Variants in PHTF2 observed in about 807,000 individuals in gnomAD.
PHTF2 encodes the protein putative homeodomain transcription factor 2, also known as protein PHTF2.
Under a neutral mutation model 101.2 loss-of-function variants are expected in PHTF2, and 60 were observed. The observed-to-expected ratio is 0.59, with a 90% CI of 0.48 to 0.73. The LOEUF is 0.73. Among genes scored for constraint, PHTF2 ranks in the 30% least tolerant of loss-of-function variants. The pLI is 0.00. For synonymous variants in PHTF2, 311 were observed against 307.3 expected, an observed-to-expected ratio of 1.01 and a Z score of -0.13; for missense variants, 747 against 908.7, an observed-to-expected ratio of 0.82 and a Z score of 2.29.
intron 9 of PHTF2, among the ~76,000 whole-genome samples, chr7:77,910,808 A>T (rs772915677): frequency 2.4e-4 from 36 of 152,036 alleles, no homozygotes; most frequent in East Asian, 3.9e-4. Flanking sequence ...CACCTGGCTA[A>T]TTTTTTGTAT....
At chr7:77,928,573 C>T (rs942265702) in intron 11 of PHTF2, among the ~76,000 whole-genome samples, 9 of 152,008 alleles carry the variant, frequency 5.9e-5, no homozygotes, top group African/African-American at 2.2e-4. Context: ...CTATAAATAC[C>T]AAAATCCAAG....
rs1251265669 is a variant in PHTF2 at position 77,901,887 on chromosome 7, T to G, written c.412T>G (p.Phe138Val). 5 of 1,597,542 alleles carry G rather than the reference T, an allele frequency of 3.1e-6. No homozygotes were observed. In the South Asian group the frequency reaches 5.7e-5, roughly 18 times the overall value. The change falls in exon 7 of 20, where the codon TTT becomes GTT. Residue 138 changes from phenylalanine (F) to valine (V), a missense_variant. Physicochemically the swap from Phe to Val is conservative, Grantham distance 50. Transcript: ENST00000416283. ...GTTACAAGTAACATCAAAGGTCATC[T>G]TTTTCTGGCTTCTTGTCCTTTATCT...
At chr7:77,824,893 A>G (rs1019370928) in intron 1 of PHTF2, among the ~76,000 whole-genome samples, 15 of 150,712 alleles carry the variant, frequency 1.0e-4, no homozygotes, top group Non-Finnish European at 8.9e-5. Context: ...ACGTTAGCCG[A>G]GTGTGGTGGC....
chr7:77,855,598 T>A (rs1270656205), intron 3 of PHTF2, among the ~76,000 whole-genome samples: 1 of 152,156 alleles, frequency 6.6e-6, no homozygotes, highest in Non-Finnish European at 1.5e-5. Flanking sequence ...CAAGTTTATT[T>A]AGGGCCACAG....
intron 19 of PHTF2, among the ~76,000 whole-genome samples, chr7:77,954,612 G>GTGTATATATATATATA (rs1426693429): frequency 5.0e-4 from 45 of 90,176 alleles, no homozygotes; most frequent in African/African-American, 8.5e-4. Context: ...CAAGTACTGT[G>GTGTATATATATATATA]TATATATATA....
chr7:77,844,157 C>A (rs925828225), intron 2 of PHTF2, among the ~76,000 whole-genome samples: 1 of 152,106 alleles, frequency 6.6e-6, no homozygotes, highest in South Asian at 2.1e-4. Flanking sequence ...GCCACCACAC[C>A]CACCTAACTT....
chr7:77,818,721 C>T (rs1231877615), intron 1 of PHTF2, among the ~76,000 whole-genome samples: 1 of 152,136 alleles, frequency 6.6e-6, no homozygotes, highest in Non-Finnish European at 1.5e-5. Context: ...AGGATTGCTT[C>T]AGCTATTCAG....
At chr7:77,846,148 T>C (rs2150597938) in intron 2 of PHTF2, among the ~76,000 whole-genome samples, 1 of 152,326 alleles carries the variant, frequency 6.6e-6, no homozygotes, top group South Asian at 2.1e-4. Context: ...TGACCTTTTT[T>C]CCTGGTGGAA....
chr7:77,893,890 A>G, intron 4 of PHTF2, 92 bp from the exon 4 acceptor site: 1 of 950,262 alleles, frequency 1.1e-6, no homozygotes, highest in Non-Finnish European at 1.7e-6. Context: ...TCTAATGACT[A>G]TTTTTTTGTC....
chr7:77,831,569 A>G (rs896338058), intron 1 of PHTF2, among the ~76,000 whole-genome samples: 15 of 152,224 alleles, frequency 9.9e-5, no homozygotes, highest in African/African-American at 3.6e-4. Context: ...GACGTTGACA[A>G]CAAGGCAGTA....
At chr7:77,822,829 T>C (rs6976860) in intron 1 of PHTF2, among the ~76,000 whole-genome samples, 2 of 151,762 alleles carry the variant, frequency 1.3e-5, no homozygotes, top group African/African-American at 4.8e-5. Context: ...TCTTTCTTAT[T>C]GGGGGGATGA....
intron 6 of PHTF2, 68 bp downstream of exon 5, chr7:77,900,848 GTT>G: frequency 1.2e-6 from 1 of 833,098 alleles, no homozygotes; most frequent in Non-Finnish European, 2.1e-6. Flanking sequence ...TTCAAAATAG[GTT>G]TAAATATTGT....
intron 3 of PHTF2, among the ~76,000 whole-genome samples, chr7:77,862,097 T>G (rs1457918517): frequency 2.6e-5 from 4 of 151,868 alleles, no homozygotes; most frequent in Admixed American, 1.3e-4. Context: ...AAAAATACCT[T>G]TCACTCTTCC....
intron 5 of PHTF2, among the ~76,000 whole-genome samples, chr7:77,899,864 G>C (rs990278056): frequency 6.6e-6 from 1 of 152,072 alleles, no homozygotes; most frequent in East Asian, 1.9e-4. Flanking sequence ...GAAGAGTTTA[G>C]CTTAAGCTCT....
chr7:77,844,689 T>G (rs1796140319), intron 2 of PHTF2, among the ~76,000 whole-genome samples: 1 of 152,132 alleles, frequency 6.6e-6, no homozygotes, highest in Non-Finnish European at 1.5e-5. Context: ...TACGGCCAGC[T>G]AATTTTTGTA....
At chr7:77,955,135 A>G (rs1463305931) in exon 20 of PHTF2, 1 of 249,258 alleles carries the variant, frequency 4.0e-6, no homozygotes, top group Non-Finnish European at 7.7e-6. Flanking sequence ...ATATCCAGAT[A>G]CTTGAGATCC....
intron 11 of PHTF2, chr7:77,923,615 A>T (rs1803683569): frequency 1.0e-6 from 1 of 984,922 alleles, no homozygotes; most frequent in Non-Finnish European, 1.2e-6. Flanking sequence ...TGCCATACAG[A>T]CACTAATGCC....
intron 13 of PHTF2, among the ~76,000 whole-genome samples, chr7:77,938,544 CATGGTGAA>C (rs1805356418): frequency 6.6e-6 from 1 of 152,064 alleles, no homozygotes; most frequent in Non-Finnish European, 1.5e-5. Flanking sequence ...TCCTGGCTAA[CATGGTGAA>C]ACCCCGTCTC....
At chr7:77,827,939 C>T (rs946251352) in intron 1 of PHTF2, among the ~76,000 whole-genome samples, 1 of 152,178 alleles carries the variant, frequency 6.6e-6, no homozygotes, top group African/African-American at 2.4e-5. Flanking sequence ...CCACGGAGCC[C>T]AGCCTCAATA....
Sources: allele counts gnomAD v4.1 joint callset (sites outside exome capture counted in the v4.1 genomes callset), GRCh38; gene constraint gnomAD v4.1.1; transcripts MANE v1.5; gene names NCBI Gene and HGNC (gene_info 2026-07-23, HGNC 2026-07-21).